The following ATXN1 variants were observed in gnomAD, a reference collection of about 807,000 sequenced individuals.
The protein encoded by ATXN1 is ataxin-1.
Under a neutral mutation model 56.4 loss-of-function variants are expected in ATXN1, and 8 were observed. That is an observed-to-expected ratio of 0.14 (90% CI 0.08 to 0.26). ATXN1 has a LOEUF of 0.26. Among genes scored for constraint, ATXN1 ranks in the 10% least tolerant of loss-of-function variants. ATXN1 has a pLI of 1.00. For missense variants in ATXN1, 987 were observed against 1,106.5 expected (o/e 0.89, Z 1.53); for synonymous variants, 514 against 494.6 (o/e 1.04, Z -0.52).
intron 4 of ATXN1, among the ~76,000 whole-genome samples, chr6:16,571,956 T>C (rs1226922253): frequency 6.6e-6 from 1 of 152,176 alleles, no homozygotes. Flanking sequence ...AGCCATCACG[T>C]TCAGCCTCTT....
intron 6 of ATXN1, among the ~76,000 whole-genome samples, chr6:16,420,855 C>T (rs1337074585): frequency 6.6e-6 from 1 of 152,096 alleles, no homozygotes; most frequent in African/African-American, 2.4e-5. Flanking sequence ...CTCTCTCTCT[C>T]GTGTGTATTT....
Position 16,306,348 on chromosome 6 carries a change from C to A in ATXN1, c.2429G>T (p.Arg810Leu). The A allele has an allele frequency of 6.2e-7, 1 of 1,609,392 alleles. No individual in the cohort carries two copies. Among genetic ancestry groups the A allele is most frequent in the South Asian group, 1.1e-5 (1 of 90,774 alleles). Reference protein sequence around the residue: ...PQEVKICIEGRSNVGK With the variant: ...PQEVKICIEGLSNVGK ...CTGCCTCTACTTGCCTACATTAGACCGGCCTTCAATGCAAATCTTAACCTC... is the reference window on the plus strand; with the variant it reads ...CTGCCTCTACTTGCCTACATTAGACAGGCCTTCAATGCAAATCTTAACCTC... The change falls in exon 8 of 8, where the codon CGG (arginine) becomes CTG (leucine). Residue 810 changes from arginine (R) to leucine (L), a missense_variant. Coordinates refer to ENST00000436367, the MANE Select transcript of ATXN1 (RefSeq NM_001128164.2). This position sits in a 1 kb window ranked among gnomAD's most constrained non-coding sequence, Gnocchi z 5.2.
At chr6:16,612,969 G>C (rs1763138435) in intron 3 of ATXN1, among the ~76,000 whole-genome samples, 1 of 151,168 alleles carries the variant, frequency 6.6e-6, no homozygotes, top group Non-Finnish European at 1.5e-5. Flanking sequence ...CCAAATGTGA[G>C]ATAAAAATTA....
intron 7 of ATXN1, among the ~76,000 whole-genome samples, chr6:16,314,493 G>C (rs556290497): frequency 1.3e-5 from 2 of 152,220 alleles, no homozygotes; most frequent in Admixed American, 1.3e-4. Flanking sequence ...ATGTGAAACA[G>C]AGACGGTGTG....
At chr6:16,514,501 A>G (rs890578186) in intron 5 of ATXN1, among the ~76,000 whole-genome samples, 3 of 151,968 alleles carry the variant, frequency 2.0e-5, no homozygotes, top group African/African-American at 7.3e-5. Context: ...CCACATTCAA[A>G]CCATTTTATC....
intron 6 of ATXN1, among the ~76,000 whole-genome samples, chr6:16,402,340 C>A (rs1022058453): frequency 3.0e-5 from 4 of 133,490 alleles, no homozygotes; most frequent in African/African-American, 1.1e-4. Context: ...ATTTGATGCA[C>A]ATTATTGACT....
chr6:16,311,812 T>G (rs547828673), intron 7 of ATXN1, among the ~76,000 whole-genome samples: 1 of 152,238 alleles, frequency 6.6e-6, no homozygotes, highest in Admixed American at 6.5e-5. Context: ...CAAATCCAAG[T>G]CATAAAAATA....
chr6:16,308,025 G>C (rs1292811662), intron 7 of ATXN1, among the ~76,000 whole-genome samples: 8 of 152,048 alleles, frequency 5.3e-5, no homozygotes, highest in African/African-American at 1.7e-4. Context: ...GTGGTGGTGG[G>C]CCCCTATAAT....
At chr6:16,381,989 C>T (rs889215285) in intron 6 of ATXN1, among the ~76,000 whole-genome samples, 3 of 152,156 alleles carry the variant, frequency 2.0e-5, no homozygotes, top group African/African-American at 7.2e-5. Flanking sequence ...ATAAAAACAT[C>T]CCAAATTGAA....
At chr6:16,389,650 C>A (rs1220530290) in intron 6 of ATXN1, among the ~76,000 whole-genome samples, 2 of 152,186 alleles carry the variant, frequency 1.3e-5, no homozygotes, top group East Asian at 3.8e-4. Context: ...ATGTGACACA[C>A]CTTCTGCTCA....
chr6:16,384,968 G>A (rs1460842981), intron 6 of ATXN1, among the ~76,000 whole-genome samples: 2 of 152,240 alleles, frequency 1.3e-5, no homozygotes, highest in Non-Finnish European at 2.9e-5. Flanking sequence ...TCTTACATAT[G>A]AGTTTCATGG....
At chr6:16,524,673 G>A in intron 4 of ATXN1, among the ~76,000 whole-genome samples, 1 of 152,178 alleles carries the variant, frequency 6.6e-6, no homozygotes, top group East Asian at 1.9e-4. Context: ...AAACAAAAAG[G>A]CATTATCACC....
At chr6:16,489,452 C>G (rs1760615177) in intron 5 of ATXN1, among the ~76,000 whole-genome samples, 1 of 152,174 alleles carries the variant, frequency 6.6e-6, no homozygotes. Context: ...TTCTTCCAAT[C>G]CATTACATCT....
At chr6:16,542,242 C>T (rs551882069) in intron 4 of ATXN1, among the ~76,000 whole-genome samples, 77 of 152,222 alleles carry the variant, frequency 5.1e-4, no homozygotes, top group Admixed American at 3.5e-3. Flanking sequence ...CACAGCCACA[C>T]GGTCATTAGC....
At chr6:16,552,161 G>A (rs1248825316) in intron 4 of ATXN1, among the ~76,000 whole-genome samples, 1 of 152,206 alleles carries the variant, frequency 6.6e-6, no homozygotes, top group Non-Finnish European at 1.5e-5. Context: ...CACACGTGGA[G>A]AGGCTGGCTC....
At chr6:16,332,967 G>A (rs1761025259) in intron 6 of ATXN1, among the ~76,000 whole-genome samples, 1 of 152,220 alleles carries the variant, frequency 6.6e-6, no homozygotes, top group Non-Finnish European at 1.5e-5. Flanking sequence ...TAAGGTTTGA[G>A]AAACCCTAGC....
chr6:16,574,787 G>A (rs1762393415), intron 4 of ATXN1, among the ~76,000 whole-genome samples: 1 of 149,630 alleles, frequency 6.7e-6, no homozygotes, highest in South Asian at 2.1e-4. Context: ...ACCGTAGGGT[G>A]TATTAGGATT....
intron 2 of ATXN1, among the ~76,000 whole-genome samples, chr6:16,710,949 C>A (rs1395493811): frequency 6.6e-6 from 1 of 151,900 alleles, no homozygotes; most frequent in Non-Finnish European, 1.5e-5. Context: ...GAATGCAATG[C>A]TGCAGTCACT....
chr6:16,648,044 C>T (rs1763831418), intron 3 of ATXN1, among the ~76,000 whole-genome samples: 2 of 152,228 alleles, frequency 1.3e-5, no homozygotes, highest in Non-Finnish European at 2.9e-5. Context: ...TATTGCACTC[C>T]AGCCTGGGCA....
Sources: gnomAD v4.1 joint callset for allele counts (sites outside exome capture counted in the v4.1 genomes callset) on GRCh38, gnomAD v4.1.1 for gene constraint, Gnocchi (gnomAD v3.1) non-coding constraint, MANE v1.5 for transcripts, NCBI Gene and HGNC (gene_info 2026-07-23, HGNC 2026-07-21) for gene names.